The following SOX5 variants were observed in gnomAD, a reference collection of about 807,000 sequenced individuals.
The protein encoded by SOX5 is SRY-box transcription factor 5.
In SOX5, 9 loss-of-function variants were observed where a neutral mutation model predicts 92.0. That is an observed-to-expected ratio of 0.10 (90% CI 0.06 to 0.17). The LOEUF (loss-of-function observed/expected upper bound fraction) is 0.17, where lower values mean the gene tolerates loss of function less well. SOX5 is among the 10% of genes least tolerant of loss of function. The pLI, the probability that SOX5 is intolerant of heterozygous loss-of-function variation, is 1.00. For missense variants in SOX5, 642 were observed against 944.5 expected, an observed-to-expected ratio of 0.68 and a Z score of 4.20; for synonymous variants, 344 against 336.3, an observed-to-expected ratio of 1.02 and a Z score of -0.25.
At chr12:24,129,513 G>A (rs1413245965) in intron 4 of SOX5, among the ~76,000 whole-genome samples, 1 of 152,144 alleles carries the variant, frequency 6.6e-6, no homozygotes, top group Admixed American at 6.5e-5. Flanking sequence ...CAACAAAATT[G>A]TGCAGGGATG....
intron 4 of SOX5, among the ~76,000 whole-genome samples, chr12:24,084,121 A>C (rs1943685625): frequency 6.6e-6 from 1 of 152,084 alleles, no homozygotes; most frequent in Non-Finnish European, 1.5e-5. Context: ...AGTCAACATG[A>C]TCTGAACAGG....
chr12:23,648,364 C>T (rs892078795), intron 7 of SOX5, among the ~76,000 whole-genome samples: 15 of 152,214 alleles, frequency 9.9e-5, no homozygotes, highest in African/African-American at 3.6e-4. Context: ...TTTATATAAG[C>T]TAAATACTTT....
chr12:23,889,601 A>C (rs971393181), intron 2 of SOX5, among the ~76,000 whole-genome samples: 13 of 152,162 alleles, frequency 8.5e-5, no homozygotes, highest in African/African-American at 3.1e-4. Flanking sequence ...CATTGAATGA[A>C]TTCTTTCAGT....
At chr12:23,733,081 A>T (rs1474880476) in intron 6 of SOX5, among the ~76,000 whole-genome samples, 1 of 152,182 alleles carries the variant, frequency 6.6e-6, no homozygotes, top group Non-Finnish European at 1.5e-5. Flanking sequence ...GGCTAATCTA[A>T]TTGGTCGGAA....
chr12:24,085,202 G>A (rs1202685478), intron 4 of SOX5, among the ~76,000 whole-genome samples: 1 of 152,120 alleles, frequency 6.6e-6, no homozygotes, highest in African/African-American at 2.4e-5. Flanking sequence ...CAGGAAGAGG[G>A]GCAACAGATG....
chr12:24,109,254 T>C (rs1947044552), intron 4 of SOX5, among the ~76,000 whole-genome samples: 1 of 152,156 alleles, frequency 6.6e-6, no homozygotes, highest in African/African-American at 2.4e-5. Context: ...AGATCAGATA[T>C]ATAGTAGCAT....
At chr12:24,331,873 A>AAAAAAAAAAAAAAAAAAAAAAT (rs777785887) in intron 2 of SOX5, among the ~76,000 whole-genome samples, 1 of 141,200 alleles carries the variant, frequency 7.1e-6, no homozygotes, top group Non-Finnish European at 1.6e-5. Flanking sequence ...AAAAAAAAAA[A>AAAAAAAAAAAAAAAAAAAAAAT]AAGGAAAGAA....
At chr12:23,613,367 G>A (rs931815843) in intron 8 of SOX5, among the ~76,000 whole-genome samples, 2 of 151,142 alleles carry the variant, frequency 1.3e-5, no homozygotes, top group Non-Finnish European at 2.9e-5. Flanking sequence ...AGTAACAAAT[G>A]CTGGCAAGGA....
intron 1 of SOX5, among the ~76,000 whole-genome samples, chr12:24,476,995 C>CAAAAAA (rs11385447): frequency 7.5e-5 from 4 of 53,624 alleles, no homozygotes; most frequent in East Asian, 5.9e-4. Flanking sequence ...AGACCCCTCT[C>CAAAAAA]AAAAAAAAAA....
intron 7 of SOX5, among the ~76,000 whole-genome samples, chr12:23,645,834 C>T (rs1457566236): frequency 6.6e-6 from 1 of 151,990 alleles, no homozygotes; most frequent in Non-Finnish European, 1.5e-5. Flanking sequence ...TGTATATATA[C>T]ACAGGAATAC....
At chr12:23,923,041 GT>G (rs1469633998) in intron 1 of SOX5, among the ~76,000 whole-genome samples, 1 of 151,794 alleles carries the variant, frequency 6.6e-6, no homozygotes, top group African/African-American at 2.4e-5. Flanking sequence ...CGCCTCCTGG[GT>G]TCCCGCCATT....
chr12:23,937,596 C>T (rs1234757729), intron 1 of SOX5, among the ~76,000 whole-genome samples: 1 of 150,896 alleles, frequency 6.6e-6, no homozygotes, highest in Non-Finnish European at 1.5e-5. Context: ...CTAAAGCAAA[C>T]AGTACTTTAT....
Position 24,370,603 on chromosome 12 carries a change from C to T in SOX5, c.-250-1964G>A, listed in dbSNP as rs572732444. Among the ~76,000 whole-genome samples the T allele has an allele frequency of 1.5e-3, 235 of 152,086 alleles. 1 individual carries two copies. The highest frequency in any genetic ancestry group is 5.2e-3 in the African/African-American group (217 of 41,466). Reference sequence around the variant, plus strand: ...TGCCAGGAGTGTGAGACCAGCCTGGCCAATATGGCGAAAACCTGTCTCTAC... The same window carrying T: ...TGCCAGGAGTGTGAGACCAGCCTGGTCAATATGGCGAAAACCTGTCTCTAC... On this transcript the variant is annotated intron_variant, in intron 1 of 4. Coordinates refer to the SOX5 transcript ENST00000446891.
chr12:24,453,870 ATC>A (rs1165136754), intron 1 of SOX5, among the ~76,000 whole-genome samples: 7 of 152,330 alleles, frequency 4.6e-5, no homozygotes, highest in South Asian at 4.1e-4. Flanking sequence ...CAGCGTCTAC[ATC>A]TCTCTGATTC....
At chr12:23,591,381 A>C (rs978882609) in intron 9 of SOX5, among the ~76,000 whole-genome samples, 2 of 152,118 alleles carry the variant, frequency 1.3e-5, no homozygotes, top group African/African-American at 4.8e-5. Context: ...AAAATTCAAT[A>C]AGATAGAAGA....
chr12:24,376,218 A>AT (rs1957245530), intron 1 of SOX5, among the ~76,000 whole-genome samples: 1 of 152,168 alleles, frequency 6.6e-6, no homozygotes, highest in South Asian at 2.1e-4. Context: ...GAACTTTTGC[A>AT]TTTTTTATCT....
In SOX5 at chr12:23,533,109, T is replaced by C. The variant is rs1466704502; in HGVS notation, c.*1110A>G. 2.2e-6 allele frequency: 1 copy of C among 453,058 alleles called. No homozygotes were observed. The highest frequency in any genetic ancestry group is 4.4e-6 in the Non-Finnish European group (1 of 225,152). The allele number at this position is 453,058 out of a possible 1,614,324, so 28.1% of individuals were successfully genotyped here. On this transcript the variant is annotated 3_prime_UTR_variant, in exon 15 of 15. Coordinates refer to ENST00000451604, the MANE Select transcript of SOX5 (RefSeq NM_006940.6). ...TTTCTGAGCCCTATACTTGGTTAAG[T>C]TGTCATTTGAAGTGCAAAGTCAAGG...
intron 9 of SOX5, among the ~76,000 whole-genome samples, chr12:23,597,936 C>T (rs1338521600): frequency 6.6e-6 from 1 of 152,144 alleles, no homozygotes; most frequent in Non-Finnish European, 1.5e-5. Flanking sequence ...CCTTTCTGTC[C>T]TGAACTTGTG....
intron 4 of SOX5, among the ~76,000 whole-genome samples, chr12:24,099,206 C>T (rs537414579): frequency 6.6e-6 from 1 of 152,116 alleles, no homozygotes; most frequent in African/African-American, 2.4e-5. Flanking sequence ...AATATTCAGG[C>T]TGCATGTGAT....
Sources: allele counts gnomAD v4.1 joint callset (sites outside exome capture counted in the v4.1 genomes callset), GRCh38; gene constraint gnomAD v4.1.1; transcripts MANE v1.5; gene names NCBI Gene and HGNC (gene_info 2026-07-23, HGNC 2026-07-21).